The following CPEB3 variants were observed in gnomAD, a reference collection of about 807,000 sequenced individuals.
CPEB3 encodes the protein cytoplasmic polyadenylation element-binding protein 3.
A neutral mutation model predicts 67.2 loss-of-function variants in CPEB3; 20 were observed. That is an observed-to-expected ratio of 0.30 (90% CI 0.21 to 0.43). The LOEUF (loss-of-function observed/expected upper bound fraction) is 0.43, where lower values mean the gene tolerates loss of function less well. CPEB3 is among the 20% of genes least tolerant of loss of function. The pLI, the probability that CPEB3 is intolerant of heterozygous loss-of-function variation, is 1.00. For synonymous variants in CPEB3, 376 were observed against 393.1 expected (o/e 0.96, Z 0.51); for missense variants, 746 against 968.6 (o/e 0.77, Z 3.05).
intron 1 of CPEB3, among the ~76,000 whole-genome samples, chr10:92,259,779 T>G (rs779707071): frequency 6.6e-6 from 1 of 152,204 alleles, no homozygotes; most frequent in Non-Finnish European, 1.5e-5. Context: ...ATATCTTGCA[T>G]AGAGCTTAGT....
chr10:92,290,412 G>A (rs996722461), intron 1 of CPEB3, among the ~76,000 whole-genome samples: 3 of 151,882 alleles, frequency 2.0e-5, no homozygotes, highest in African/African-American at 7.3e-5. Flanking sequence ...ACAGTGACCA[G>A]CAGCAGAGAG....
rs574441448 is a variant in CPEB3 at position 92,267,974 on chromosome 10, A to G, written c.-12+22952T>C. Among the ~76,000 whole-genome samples, 16 of 152,130 alleles carry G rather than the reference A, an allele frequency of 1.1e-4. No individual in the cohort carries two copies. The East Asian group carries it at 3.1e-3, about 29-fold the overall frequency. Reference sequence around the variant, plus strand: ...GCTGGGACTACAGGCACGCACCACAATGCCCAGCTAATTTTTGTATTTTTA... The same window carrying G: ...GCTGGGACTACAGGCACGCACCACAGTGCCCAGCTAATTTTTGTATTTTTA... On this transcript the variant is annotated intron_variant, in intron 1 of 9. Transcript: ENST00000265997.
intron 2 of CPEB3, among the ~76,000 whole-genome samples, chr10:92,221,628 G>A (rs1388191095): frequency 6.6e-6 from 1 of 152,186 alleles, no homozygotes; most frequent in Admixed American, 6.5e-5. Context: ...TCCCCATTGT[G>A]ATAGTATTAA....
chr10:92,286,080 CG>C (rs898063481), intron 1 of CPEB3, among the ~76,000 whole-genome samples: 1 of 151,594 alleles, frequency 6.6e-6, no homozygotes, highest in Non-Finnish European at 1.5e-5. Context: ...GGACTACAGG[CG>C]CCCGCCACCA....
intron 6 of CPEB3, among the ~76,000 whole-genome samples, chr10:92,135,669 C>A (rs1483133353): frequency 6.6e-6 from 1 of 151,786 alleles, no homozygotes; most frequent in Admixed American, 6.6e-5. Flanking sequence ...AGATAAATGC[C>A]CAAAGGATTA....
At chr10:92,250,990 C>T (rs746226379) in intron 1 of CPEB3, among the ~76,000 whole-genome samples, 1 of 150,364 alleles carries the variant, frequency 6.7e-6, no homozygotes, top group African/African-American at 2.5e-5. Flanking sequence ...CTCAGCCTCC[C>T]AAAGTGCTAG....
intron 4 of CPEB3, among the ~76,000 whole-genome samples, chr10:92,155,522 AT>A (rs1847166178): frequency 6.6e-6 from 1 of 152,202 alleles, no homozygotes; most frequent in Non-Finnish European, 1.5e-5. Context: ...TTCATCCCAT[AT>A]GGTTATATCA....
chr10:92,183,007 G>T (rs1848530735), intron 3 of CPEB3, among the ~76,000 whole-genome samples: 1 of 152,028 alleles, frequency 6.6e-6, no homozygotes, highest in Non-Finnish European at 1.5e-5. Flanking sequence ...AAGCATTATA[G>T]AGCTTTCAAT....
chr10:92,145,168 C>T, intron 4 of CPEB3, 83 bp from the exon 5 acceptor site: 14 of 1,514,496 alleles, frequency 9.2e-6, no homozygotes, highest in Non-Finnish European at 1.3e-5. Flanking sequence ...ACAATAAATG[C>T]TCTATTAGAA....
At chr10:92,124,868 C>T (rs1330110950) in intron 6 of CPEB3, among the ~76,000 whole-genome samples, 3 of 152,260 alleles carry the variant, frequency 2.0e-5, no homozygotes, top group African/African-American at 7.2e-5. Context: ...AAATGCTACA[C>T]TGCAGCCCAC....
intron 6 of CPEB3, among the ~76,000 whole-genome samples, chr10:92,116,262 A>ATAAT (rs60197509): frequency 3.0e-4 from 42 of 138,826 alleles, no homozygotes; most frequent in East Asian, 1.6e-3. Flanking sequence ...TAAAAAAAAA[A>ATAAT]AAAAATAATA....
chr10:92,067,073 A>T (rs1338244042), intron 9 of CPEB3, among the ~76,000 whole-genome samples: 2 of 151,282 alleles, frequency 1.3e-5, no homozygotes, highest in African/African-American at 4.8e-5. Context: ...AAATAAAAAT[A>T]ATAAATAAAT....
At chr10:92,186,544 C>T (rs1224458509) in intron 3 of CPEB3, among the ~76,000 whole-genome samples, 1 of 151,638 alleles carries the variant, frequency 6.6e-6, no homozygotes, top group Non-Finnish European at 1.5e-5. Context: ...AAGCGATTCT[C>T]CTGCCTCAGC....
At chr10:92,278,001 G>A (rs1012537594) in intron 1 of CPEB3, among the ~76,000 whole-genome samples, 1 of 151,870 alleles carries the variant, frequency 6.6e-6, no homozygotes, top group African/African-American at 2.4e-5. Flanking sequence ...TGGCCAAGAT[G>A]GTGAAACCCC....
At chr10:92,263,492 A>G (rs1029421298) in intron 1 of CPEB3, among the ~76,000 whole-genome samples, 2 of 152,244 alleles carry the variant, frequency 1.3e-5, no homozygotes, top group South Asian at 4.1e-4. Context: ...TAGAATCTAT[A>G]CTTAAGTGTA....
At chr10:92,066,816 G>A (rs1842565962) in intron 9 of CPEB3, among the ~76,000 whole-genome samples, 1 of 152,056 alleles carries the variant, frequency 6.6e-6, no homozygotes, top group African/African-American at 2.4e-5. Context: ...AGGCCGAAGC[G>A]GGCGGATCAC....
At chr10:92,214,094 T>A (rs1476945848) in intron 2 of CPEB3, among the ~76,000 whole-genome samples, 3 of 152,196 alleles carry the variant, frequency 2.0e-5, no homozygotes, top group Non-Finnish European at 4.4e-5. Flanking sequence ...TGCTATGGAC[T>A]GAATGTCCCC....
At chr10:92,226,763 C>T (rs1217510462) in intron 2 of CPEB3, among the ~76,000 whole-genome samples, 1 of 146,696 alleles carries the variant, frequency 6.8e-6, no homozygotes, top group Non-Finnish European at 1.5e-5. Context: ...GAGGGAGGGG[C>T]AAGAGAGAGG....
chr10:92,241,962 A>C (rs1316264406), intron 1 of CPEB3, among the ~76,000 whole-genome samples: 1 of 152,230 alleles, frequency 6.6e-6, no homozygotes, highest in Non-Finnish European at 1.5e-5. Flanking sequence ...ACTTGTGAAA[A>C]GGCATTCAGA....
Sources: gnomAD v4.1 joint callset for allele counts (sites outside exome capture counted in the v4.1 genomes callset) on GRCh38, gnomAD v4.1.1 for gene constraint, MANE v1.5 for transcripts, NCBI Gene and HGNC (gene_info 2026-07-23, HGNC 2026-07-21) for gene names.